Variants in LBR observed in about 807,000 individuals in gnomAD.
The protein encoded by LBR is lamin B receptor, also known as delta(14)-sterol reductase LBR.
LBR carries 28 observed loss-of-function variants against 74.3 expected under a neutral mutation model. The observed-to-expected ratio is 0.38, with a 90% confidence interval of 0.28 to 0.52. The LOEUF (loss-of-function observed/expected upper bound fraction) is 0.52. LBR is among the 20% of genes least tolerant of loss of function. The pLI is 0.89. For missense variants in LBR, 717 were observed against 760.3 expected, an observed-to-expected ratio of 0.94 and a Z score of 0.67; for synonymous variants, 228 against 269.3, an observed-to-expected ratio of 0.85 and a Z score of 1.50.
chr1:225,419,181 G>GA, intron 5 of LBR, 82 bp downstream of exon 5: 5 of 1,319,362 alleles, frequency 3.8e-6, no homozygotes, highest in Non-Finnish European at 5.5e-6. Flanking sequence ...GATGTCTTCA[G>GA]AGAGGCCTTT....
At chr1:225,412,947 A>C (rs900463008) in intron 7 of LBR, among the ~76,000 whole-genome samples, 12 of 152,194 alleles carry the variant, frequency 7.9e-5, no homozygotes, top group Non-Finnish European at 1.8e-4. Context: ...AAATTCCCAC[A>C]ATCCAAACTC....
chr1:225,418,106 T>G lies in LBR; in HGVS notation c.715A>C (p.Ser239Arg). ...AAAGGAGGAGGGAAATTCAGAAGACTGGGATCTTTCTGTTTACACATCAAC... is the reference window on the plus strand; with the variant it reads ...AAAGGAGGAGGGAAATTCAGAAGACGGGGATCTTTCTGTTTACACATCAAC... ...LLLMCKQKDPSLLNFPPPLPA... is the reference protein window; with the variant it reads ...LLLMCKQKDPRLLNFPPPLPA... The change falls in exon 6 of 14, where the codon AGT becomes CGT. Residue 239 changes from serine to arginine, a missense_variant. Transcript: ENST00000272163. The G allele has an allele frequency of 6.2e-7, 1 of 1,614,192 alleles. No individual in the cohort carries two copies. Among genetic ancestry groups the G allele is most frequent in the Non-Finnish European group, 8.5e-7 (1 of 1,180,018 alleles).
chr1:225,419,051 G>C (rs1241109227), intron 5 of LBR, among the ~76,000 whole-genome samples: 2 of 152,148 alleles, frequency 1.3e-5, no homozygotes, highest in Non-Finnish European at 2.9e-5. Context: ...AGCTACAATG[G>C]CATCCTTTCT....
chr1:225,421,274 A>G (rs2096126993), intron 3 of LBR, among the ~76,000 whole-genome samples: 1 of 152,232 alleles, frequency 6.6e-6, no homozygotes. Context: ...CGGGTGGATC[A>G]CGAGGTCAGG....
At chr1:225,422,304 C>G in intron 2 of LBR, 27 bp from the exon 3 acceptor site, 1 of 1,580,688 alleles carries the variant, frequency 6.3e-7, no homozygotes, top group Non-Finnish European at 8.7e-7. Flanking sequence ...AGGCAAAGAG[C>G]TTTACCACAA....
chr1:225,423,981 C>T lies in LBR; in HGVS notation c.95G>A (p.Ser32Asn), dbSNP rs1382928751. 1 of 1,613,728 alleles carries T rather than the reference C, an allele frequency of 6.2e-7. No homozygotes were observed. Among genetic ancestry groups the T allele is most frequent in the African/African-American group, 1.3e-5 (1 of 74,928 alleles). ...YYEVEILSHDSTSQLYTVKYK... is the reference protein window; with the variant it reads ...YYEVEILSHDNTSQLYTVKYK... ...CTTCACAGTGTAAAGCTGGGAGGTG[C>T]TGTCGTGGCTCAGAATTTCTACTTC... Residue 32 changes from serine (S) to asparagine (N), a missense_variant, in exon 2 of 14, where the codon AGC (serine) becomes AAC (asparagine). Ser to Asn is a conservative substitution (Grantham distance 46). Coordinates refer to ENST00000272163, the MANE Select transcript of LBR (RefSeq NM_002296.4).
intron 10 of LBR, among the ~76,000 whole-genome samples, chr1:225,407,900 A>T (rs920601675): frequency 6.2e-5 from 9 of 145,394 alleles, no homozygotes; most frequent in East Asian, 1.9e-4. Context: ...TATTCTCTTT[A>T]AAAAAAAAAA....
chr1:225,403,443 A>G lies in LBR; in HGVS notation c.1708T>C (p.Tyr570His), dbSNP rs146204188. 61 of 1,611,850 alleles carry G rather than the reference A, an allele frequency of 3.8e-5. No homozygotes were observed. Among genetic ancestry groups the G allele is most frequent in the Non-Finnish European group, 4.8e-5 (57 of 1,178,074 alleles). Residue 570 changes from tyrosine (Y) to histidine (H), a missense_variant, in exon 14 of 14, where the codon TAT becomes CAT. Transcript: ENST00000272163. ...LPCGFNHILP[Y>H]FYIIYFTMLL... is the part of the protein sequence containing the mutation. ...ATGGTGAAATAAATTATGTAGAAAT[A>G]AGGCAGAATGTGGTTAAAACCTGTG...
chr1:225,406,428 A>G (rs1190911312), intron 11 of LBR: 1 of 390,476 alleles, frequency 2.6e-6, no homozygotes, highest in Non-Finnish European at 4.6e-6. Context: ...AAATTTATTA[A>G]ATTTAAAAGC....
In LBR at chr1:225,418,013, CT is replaced by C. The variant is rs753318281; in HGVS notation, c.807del (p.Val270SerfsTer12). 1 of 1,614,144 alleles carries C rather than the reference CT, an allele frequency of 6.2e-7. No homozygotes were observed. On this transcript the variant is annotated frameshift_variant, in exon 6 of 14. Transcript: ENST00000272163. LOFTEE classifies it high-confidence loss of function. ...CCAATTGGCAGTAGGTAGAACAGGA[CT>C]TGAATCAAAAACCACAGGAGGTAGA... ...FGVYLLWFLI[Q>X]VLFYLLPIGK...
chr1:225,407,364 A>G (rs2096094291), intron 10 of LBR, among the ~76,000 whole-genome samples: 1 of 152,366 alleles, frequency 6.6e-6, no homozygotes. Context: ...TGCTGAAGGA[A>G]TAAGATCACC....
rs754821990 is a variant in LBR, at chr1:225,404,645, G to A, written c.1545C>T (p.Pro515=). The change falls in exon 12 of 14, where the codon CCC becomes CCT. Residue 515 remains proline (P), a synonymous_variant. Transcript: ENST00000272163. The stretch of plus-strand genomic sequence containing the variant: ...ACTTACGTGCAAGCTTTGGATCACT[G>A]GGATTTTTCCGGAATGCATTTTTCT... The part of the protein sequence containing the change: ...NSQKNAFRKN[P]SDPKLAHLKT... 2.0e-5 allele frequency: 33 copies of A among 1,610,854 alleles called. No individual in the cohort carries two copies. The highest frequency in any genetic ancestry group is 2.7e-5 in the Non-Finnish European group (32 of 1,178,696).
chr1:225,410,499 G>C, intron 9 of LBR, 83 bp from the exon 10 acceptor site: 2 of 1,464,454 alleles, frequency 1.4e-6, no homozygotes, highest in East Asian at 2.3e-5. Flanking sequence ...GAGCTTCACA[G>C]CTGAGACACC....
intron 11 of LBR, among the ~76,000 whole-genome samples, chr1:225,405,921 G>A (rs1359786422): frequency 1.3e-5 from 2 of 152,166 alleles, no homozygotes; most frequent in Non-Finnish European, 1.5e-5. Flanking sequence ...GCAGTTCACT[G>A]CTAATTTTCC....
intron 11 of LBR, 63 bp from the exon 12 acceptor site, chr1:225,404,769 C>A: frequency 8.7e-7 from 1 of 1,144,668 alleles, no homozygotes; most frequent in Non-Finnish European, 1.3e-6. Context: ...TTAATAGCAT[C>A]TGTAATTTCT....
At chr1:225,428,377 T>C (rs1296964207), upstream of LBR, among the ~76,000 whole-genome samples, 2 of 152,136 alleles carry the variant, frequency 1.3e-5, no homozygotes, top group Non-Finnish European at 2.9e-5. Context: ...GCTCCCGCCC[T>C]TTCCCTCCCA....
In LBR at chr1:225,412,466, G is replaced by A. The variant is rs145328578; in HGVS notation, c.1072C>T (p.Pro358Ser). Residue 358 changes from proline (P) to serine (S), a missense_variant, in exon 8 of 14, where the codon CCT becomes TCT. Physicochemically the swap from Pro to Ser is moderately conservative, Grantham distance 74. Coordinates refer to ENST00000272163, the MANE Select transcript of LBR (RefSeq NM_002296.4). ...SLKAPRNDLS[P>S]ASSGNAVYDF... Reference sequence around the variant, plus strand: ...CATCACTGCTCACCAGAGCTGGCAGGCGACAGGTCATTCCGGGGCGCTTTC... The same window carrying A: ...CATCACTGCTCACCAGAGCTGGCAGACGACAGGTCATTCCGGGGCGCTTTC... The A allele has an allele frequency of 1.6e-5, 26 of 1,613,904 alleles. No homozygotes were observed. The highest frequency in any genetic ancestry group is 6.7e-5 in the Admixed American group (4 of 59,998).
At chr1:225,425,266 T>C (rs1575233056) in intron 1 of LBR, among the ~76,000 whole-genome samples, 1 of 152,146 alleles carries the variant, frequency 6.6e-6, no homozygotes, top group African/African-American at 2.4e-5. Context: ...AACCACCACA[T>C]TTTTTCACTG....
chr1:225,412,828 T>C (rs1465749142), intron 7 of LBR, among the ~76,000 whole-genome samples, 183 bp from the exon 8 acceptor site: 1 of 152,210 alleles, frequency 6.6e-6, no homozygotes, highest in East Asian at 1.9e-4. Context: ...ATACATACCA[T>C]TATCTCTTGT....
Sources: allele counts gnomAD v4.1 joint callset (sites outside exome capture counted in the v4.1 genomes callset), GRCh38; gene constraint gnomAD v4.1.1; transcripts MANE v1.5; gene names NCBI Gene and HGNC (gene_info 2026-07-23, HGNC 2026-07-21).